The following PLCB1 variants were observed in gnomAD, a reference collection of about 807,000 sequenced individuals.
The protein encoded by PLCB1 is phospholipase C beta 1.
In PLCB1, 46 loss-of-function variants were observed where a neutral mutation model predicts 161.8. The ratio of observed to expected loss-of-function variants is 0.28; its 90% CI spans 0.22 to 0.36. The LOEUF is 0.36. PLCB1 is among the 10% of genes least tolerant of loss of function. The pLI is 1.00. For missense variants in PLCB1, 1,016 were observed against 1,472.5 expected, an observed-to-expected ratio of 0.69 and a Z score of 5.07; for synonymous variants, 517 against 503.7, an observed-to-expected ratio of 1.03 and a Z score of -0.35.
intron 26 of PLCB1, among the ~76,000 whole-genome samples, chr20:8,773,244 A>G (rs1453408576): frequency 1.3e-5 from 2 of 152,214 alleles, no homozygotes; most frequent in Non-Finnish European, 2.9e-5. Context: ...TCGGACCACA[A>G]GTGAAAAATA....
intron 2 of PLCB1, among the ~76,000 whole-genome samples, chr20:8,213,300 A>G (rs1978933304): frequency 6.6e-6 from 1 of 152,216 alleles, no homozygotes; most frequent in Non-Finnish European, 1.5e-5. Flanking sequence ...GGGTGAATAC[A>G]GAAGGACATG....
Position 8,697,722 on chromosome 20 carries a change from C to G in PLCB1, c.1106C>G (p.Thr369Ser). Reference sequence around the variant, plus strand: ...GAGCTGGACTGCTGGAAGGGACGGACTGCAGAAGAGGAACCTGTCATCACC... The same window carrying G: ...GAGCTGGACTGCTGGAAGGGACGGAGTGCAGAAGAGGAACCTGTCATCACC... Reference protein sequence around the residue: ...CVELDCWKGRTAEEEPVITHG... With the variant: ...CVELDCWKGRSAEEEPVITHG... Residue 369 changes from threonine to serine, a missense_variant, in exon 11 of 32, where the codon ACT becomes AGT. Coordinates refer to ENST00000338037, the MANE Select transcript of PLCB1 (RefSeq NM_015192.4). 6.2e-7 allele frequency: 1 copy of G among 1,614,188 alleles called. No homozygotes were observed. Among genetic ancestry groups the G allele is most frequent in the Non-Finnish European group, 8.5e-7 (1 of 1,180,032 alleles).
At chr20:8,771,654 T>C (rs1247339689) in intron 26 of PLCB1, among the ~76,000 whole-genome samples, 1 of 152,134 alleles carries the variant, frequency 6.6e-6, no homozygotes, top group Non-Finnish European at 1.5e-5. Context: ...ACTTGTTTTT[T>C]TCTTGTGTTG....
intron 3 of PLCB1, among the ~76,000 whole-genome samples, chr20:8,413,417 C>G (rs1979128955): frequency 1.3e-5 from 2 of 152,154 alleles, no homozygotes; most frequent in Admixed American, 1.3e-4. Context: ...AATGAGCAGT[C>G]TGGATTTTTC....
chr20:8,139,180 G>A (rs1050368761), intron 1 of PLCB1, among the ~76,000 whole-genome samples: 8 of 142,086 alleles, frequency 5.6e-5, no homozygotes, highest in South Asian at 2.3e-4. Context: ...CTCTGCAGCC[G>A]GGTTCAAGCT....
At chr20:8,302,399 C>G (rs1454751041) in intron 2 of PLCB1, among the ~76,000 whole-genome samples, 1 of 152,210 alleles carries the variant, frequency 6.6e-6, no homozygotes, top group Non-Finnish European at 1.5e-5. Flanking sequence ...TTTCAAGACC[C>G]TGGCAACTTG....
At chr20:8,324,329 TC>T (rs1214614577) in intron 2 of PLCB1, among the ~76,000 whole-genome samples, 1 of 152,082 alleles carries the variant, frequency 6.6e-6, no homozygotes, top group Non-Finnish European at 1.5e-5. Flanking sequence ...TTTGATATTT[TC>T]CGTAAGAGTC....
intron 19 of PLCB1, among the ~76,000 whole-genome samples, chr20:8,735,482 G>C (rs1316456574): frequency 6.6e-6 from 1 of 152,186 alleles, no homozygotes; most frequent in African/African-American, 2.4e-5. Flanking sequence ...CTAGAGCCAA[G>C]ATACAGATCA....
intron 3 of PLCB1, among the ~76,000 whole-genome samples, chr20:8,427,426 C>A (rs1232877764): frequency 6.6e-6 from 1 of 152,148 alleles, no homozygotes; most frequent in East Asian, 1.9e-4. Context: ...ATACAGACAT[C>A]AGCTGGAACT....
Position 8,307,814 on chromosome 20 carries a change from C to T in PLCB1, c.178-63568C>T, listed in dbSNP as rs185701453. ...GCACGCGCCTGTAATCCCAGCTACTCGGGAGGCTGAAGCAGGAGAATTGCT... is the reference window on the plus strand; with the variant it reads ...GCACGCGCCTGTAATCCCAGCTACTTGGGAGGCTGAAGCAGGAGAATTGCT... On this transcript the variant is annotated intron_variant, in intron 2 of 31. Coordinates refer to ENST00000338037, the MANE Select transcript of PLCB1 (RefSeq NM_015192.4). 3.8e-3 allele frequency among the ~76,000 whole-genome samples: 562 copies of T among 147,824 alleles called. 7 individuals carry two copies. Among genetic ancestry groups the T allele is most frequent in the African/African-American group, 0.013 (530 of 40,088 alleles).
chr20:8,713,903 AG>A (rs1979156836), intron 12 of PLCB1, among the ~76,000 whole-genome samples: 3 of 152,102 alleles, frequency 2.0e-5, no homozygotes, highest in Admixed American at 6.5e-5. Flanking sequence ...TTCCTGACAG[AG>A]GACACCTGTT....
In PLCB1 at chr20:8,626,239, A is replaced by G. The variant is rs138530682; in HGVS notation, c.247-2055A>G. Among the ~76,000 whole-genome samples, 221 of 152,166 alleles carry G rather than the reference A, an allele frequency of 1.5e-3. 2 individuals carry two copies. The highest frequency in any genetic ancestry group is 3.3e-3 in the East Asian group (17 of 5,170). On this transcript the variant is annotated intron_variant, in intron 3 of 31. Coordinates refer to ENST00000338037, the MANE Select transcript of PLCB1 (RefSeq NM_015192.4). ...CAATTACTGGGGAAACTTTTCAAACAAAGATTTCAGAGAGTTGGTCATGTT... is the reference window on the plus strand; with the variant it reads ...CAATTACTGGGGAAACTTTTCAAACGAAGATTTCAGAGAGTTGGTCATGTT...
intron 9 of PLCB1, among the ~76,000 whole-genome samples, chr20:8,676,916 CA>C (rs1182217802): frequency 6.6e-6 from 1 of 151,950 alleles, no homozygotes; most frequent in Non-Finnish European, 1.5e-5. Context: ...GAAAAATAAC[CA>C]AATATATTAT....
chr20:8,396,135 G>T (rs1285344208), intron 3 of PLCB1, among the ~76,000 whole-genome samples: 1 of 152,048 alleles, frequency 6.6e-6, no homozygotes, highest in Admixed American at 6.6e-5. Context: ...AGTTGAGCTT[G>T]TTTCTCTGGC....
chr20:8,235,899 A>G (rs540179068), intron 2 of PLCB1, among the ~76,000 whole-genome samples: 10 of 152,274 alleles, frequency 6.6e-5, no homozygotes, highest in African/African-American at 1.7e-4. Flanking sequence ...TAAGGCGTGT[A>G]TAGGATTCTT....
chr20:8,276,737 T>A (rs1239601803), intron 2 of PLCB1, among the ~76,000 whole-genome samples: 1 of 152,038 alleles, frequency 6.6e-6, no homozygotes, highest in African/African-American at 2.4e-5. Flanking sequence ...CTCGAGTGCA[T>A]CCTTTGTGCC....
intron 3 of PLCB1, among the ~76,000 whole-genome samples, chr20:8,477,471 G>T (rs1287953935): frequency 6.6e-6 from 1 of 152,186 alleles, no homozygotes; most frequent in African/African-American, 2.4e-5. Context: ...CACCAAAAAT[G>T]TATCAACTTC....
At chr20:8,767,349 A>G (rs1461515736) in intron 26 of PLCB1, among the ~76,000 whole-genome samples, 1 of 152,082 alleles carries the variant, frequency 6.6e-6, no homozygotes, top group African/African-American at 2.4e-5. Context: ...ATCATTCAGG[A>G]GCATCCTAGA....
chr20:8,333,955 A>C (rs562880442), intron 2 of PLCB1, among the ~76,000 whole-genome samples: 1 of 152,236 alleles, frequency 6.6e-6, no homozygotes, highest in African/African-American at 2.4e-5. Flanking sequence ...CACGCCTATA[A>C]TCCCAGCACT....
Sources: gnomAD v4.1 joint callset for allele counts (sites outside exome capture counted in the v4.1 genomes callset) on GRCh38, gnomAD v4.1.1 for gene constraint, MANE v1.5 for transcripts, NCBI Gene and HGNC (gene_info 2026-07-23, HGNC 2026-07-21) for gene names.